The following CTNNA3 variants were observed in gnomAD, a reference collection of about 807,000 sequenced individuals.
The protein encoded by CTNNA3 is catenin alpha-3.
Under a neutral mutation model 95.7 loss-of-function variants are expected in CTNNA3, and 76 were observed. The observed-to-expected ratio is 0.79, with a 90% CI of 0.66 to 0.96. The LOEUF (loss-of-function observed/expected upper bound fraction) is 0.96, where lower values mean the gene tolerates loss of function less well. Among genes scored for constraint, CTNNA3 ranks in the 40% least tolerant of loss-of-function variants. The pLI is 0.00. For synonymous variants in CTNNA3, 431 were observed against 374.4 expected (o/e 1.15, Z -1.74); for missense variants, 1,191 against 1,089.8 (o/e 1.09, Z -1.31).
chr10:67,712,713 G>C (rs983336796), intron 1 of CTNNA3, among the ~76,000 whole-genome samples: 47 of 152,180 alleles, frequency 3.1e-4, no homozygotes, highest in African/African-American at 1.1e-3. Flanking sequence ...AAATGTGTTG[G>C]GAAAACTGGC....
intron 10 of CTNNA3, among the ~76,000 whole-genome samples, chr10:66,600,209 T>G (rs1433827575): frequency 6.6e-6 from 1 of 151,860 alleles, no homozygotes; most frequent in African/African-American, 2.4e-5. Flanking sequence ...AAAAATGGTT[T>G]TTCATGATAG....
intron 2 of CTNNA3, among the ~76,000 whole-genome samples, chr10:67,635,353 G>A (rs1839274256): frequency 6.6e-6 from 1 of 152,174 alleles, no homozygotes; most frequent in Non-Finnish European, 1.5e-5. Context: ...AAATCTGGCA[G>A]AGATACAACC....
At chr10:65,921,833 AC>A (rs1358788580) in intron 17 of CTNNA3, among the ~76,000 whole-genome samples, 1 of 152,140 alleles carries the variant, frequency 6.6e-6, no homozygotes, top group Non-Finnish European at 1.5e-5. Context: ...GAATTCAAAG[AC>A]CCCTGTTGGA....
intron 15 of CTNNA3, among the ~76,000 whole-genome samples, chr10:66,037,084 G>A (rs1010154850): frequency 6.6e-6 from 1 of 151,864 alleles, no homozygotes; most frequent in Non-Finnish European, 1.5e-5. Context: ...ATGTTAGCCA[G>A]GATGGTCTTG....
At chr10:67,281,533 A>G (rs1165903271) in intron 5 of CTNNA3, among the ~76,000 whole-genome samples, 2 of 152,114 alleles carry the variant, frequency 1.3e-5, no homozygotes, top group Non-Finnish European at 2.9e-5. Context: ...ACTCAGACTA[A>G]TTTTTTTCTA....
chr10:67,027,601 AC>A (rs1826720404), intron 7 of CTNNA3, among the ~76,000 whole-genome samples: 1 of 151,578 alleles, frequency 6.6e-6, no homozygotes. Context: ...TGCCCAGCTA[AC>A]TTTTTTGTAT....
At chr10:67,340,241 T>G (rs1002819987) in intron 5 of CTNNA3, among the ~76,000 whole-genome samples, 1 of 152,224 alleles carries the variant, frequency 6.6e-6, no homozygotes, top group Non-Finnish European at 1.5e-5. Flanking sequence ...AAATTTCATT[T>G]AAAATTATGT....
At chr10:66,355,156 T>C (rs2092599201) in intron 12 of CTNNA3, among the ~76,000 whole-genome samples, 1 of 152,070 alleles carries the variant, frequency 6.6e-6, no homozygotes, top group South Asian at 2.1e-4. Context: ...TTAAAAGAAA[T>C]ACAACTTAAC....
intron 3 of CTNNA3, among the ~76,000 whole-genome samples, chr10:67,588,531 G>C (rs1014125600): frequency 2.4e-5 from 3 of 123,388 alleles, no homozygotes; most frequent in South Asian, 2.2e-4. Flanking sequence ...TTGAATTTAT[G>C]GGGGGGGGAC....
intron 10 of CTNNA3, among the ~76,000 whole-genome samples, chr10:66,600,831 G>A (rs1843894962): frequency 6.6e-6 from 1 of 151,884 alleles, no homozygotes; most frequent in South Asian, 2.1e-4. Context: ...ATGTTGAAAA[G>A]TAAGATTCCT....
intron 7 of CTNNA3, among the ~76,000 whole-genome samples, chr10:67,151,003 A>G (rs2132065739): frequency 6.6e-6 from 1 of 152,316 alleles, no homozygotes; most frequent in African/African-American, 2.4e-5. Context: ...ACTCTTCTTC[A>G]GTAGATAATG....
At chr10:66,728,912 G>C (rs960797676) in intron 9 of CTNNA3, among the ~76,000 whole-genome samples, 1 of 152,098 alleles carries the variant, frequency 6.6e-6, no homozygotes, top group Non-Finnish European at 1.5e-5. Flanking sequence ...AATAGATCTT[G>C]AGTTAATTTT....
At chr10:67,102,447 A>C (rs931961728) in intron 7 of CTNNA3, among the ~76,000 whole-genome samples, 3 of 151,716 alleles carry the variant, frequency 2.0e-5, no homozygotes, top group African/African-American at 7.3e-5. Context: ...CTTATATTTA[A>C]TTTATTTAGG....
chr10:67,305,120 C>G (rs1589146414), intron 5 of CTNNA3, among the ~76,000 whole-genome samples: 1 of 152,110 alleles, frequency 6.6e-6, no homozygotes, highest in Non-Finnish European at 1.5e-5. Flanking sequence ...ACTAAAAATA[C>G]AAAAAATTAG....
At chr10:67,162,444 C>A (rs10822991) in intron 7 of CTNNA3, among the ~76,000 whole-genome samples, 1 of 151,582 alleles carries the variant, frequency 6.6e-6, no homozygotes, top group Non-Finnish European at 1.5e-5. Context: ...GTGTTCTCTG[C>A]GCACAATCAA....
At chr10:66,993,493 C>A (rs1190855859) in intron 7 of CTNNA3, among the ~76,000 whole-genome samples, 1 of 152,126 alleles carries the variant, frequency 6.6e-6, no homozygotes, top group African/African-American at 2.4e-5. Context: ...TCTGGCAGGA[C>A]AAGCCTTATC....
At position 67,090,197 on chromosome 10, in the gene CTNNA3, G is replaced by A. The variant is rs16924011; in HGVS notation, c.1047+90120C>T. On this transcript the variant is annotated intron_variant, in intron 7 of 17. Transcript: ENST00000433211. ...TCCTGTCCCCATCTTGAGTGTTTTC[G>A]AGATTGGACTCTTCTTTCTATGCCT... Among the ~76,000 whole-genome samples the A allele has an allele frequency of 7.4e-3, 1,122 of 152,078 alleles. 6 individuals are homozygous for A. Among genetic ancestry groups the A allele is most frequent in the African/African-American group, 0.026 (1,081 of 41,508 alleles).
chr10:65,969,294 T>A (rs1453905361), intron 16 of CTNNA3, among the ~76,000 whole-genome samples: 1 of 152,100 alleles, frequency 6.6e-6, no homozygotes, highest in Non-Finnish European at 1.5e-5. Flanking sequence ...TCTGCACAAA[T>A]ATAATTACAA....
At chr10:65,934,147 G>A (rs2077298611) in intron 17 of CTNNA3, among the ~76,000 whole-genome samples, 1 of 152,066 alleles carries the variant, frequency 6.6e-6, no homozygotes. Context: ...TTCTTGTTAT[G>A]ATTTAAGTCA....
Sources: gnomAD v4.1 joint callset for allele counts (sites outside exome capture counted in the v4.1 genomes callset) on GRCh38, gnomAD v4.1.1 for gene constraint, MANE v1.5 for transcripts, NCBI Gene and HGNC (gene_info 2026-07-23, HGNC 2026-07-21) for gene names.